NELL1: variants seen among roughly 807,000 people sequenced by gnomAD.
NELL1 encodes the protein protein kinase C-binding protein NELL1.
Under a neutral mutation model 107.4 loss-of-function variants are expected in NELL1, and 76 were observed. That is an observed-to-expected ratio of 0.71 (90% CI 0.59 to 0.86). NELL1 has a LOEUF of 0.86. Ranked by LOEUF, NELL1 falls within the 40% of genes least tolerant of loss-of-function variation. The pLI is 0.00. For missense variants in NELL1, 1,024 were observed against 1,005.5 expected, an observed-to-expected ratio of 1.02 and a Z score of -0.25; for synonymous variants, 353 against 341.2, an observed-to-expected ratio of 1.03 and a Z score of -0.38.
intron 4 of NELL1, among the ~76,000 whole-genome samples, chr11:20,872,143 A>G (rs995610636): frequency 2.0e-5 from 3 of 150,480 alleles, no homozygotes; most frequent in Admixed American, 6.6e-5. Context: ...TCAAGGGCAG[A>G]TAATACCAAA....
chr11:20,720,202 GT>G (rs72275946), intron 2 of NELL1, among the ~76,000 whole-genome samples: 1 of 141,062 alleles, frequency 7.1e-6, no homozygotes, highest in African/African-American at 2.6e-5. Flanking sequence ...GTTCATTCCT[GT>G]TTTTTTTTTT....
chr11:21,525,827 G>C (rs565105765), intron 15 of NELL1, among the ~76,000 whole-genome samples: 1 of 152,040 alleles, frequency 6.6e-6, no homozygotes, highest in Admixed American at 6.6e-5. Flanking sequence ...AGAACAATAT[G>C]GTAAAACTGA....
chr11:21,030,288 A>G (rs1852920727), intron 12 of NELL1, among the ~76,000 whole-genome samples: 1 of 152,176 alleles, frequency 6.6e-6, no homozygotes, highest in Admixed American at 6.6e-5. Flanking sequence ...GCCTTGTCAC[A>G]TTGAGAAGAT....
intron 14 of NELL1, among the ~76,000 whole-genome samples, chr11:21,326,390 A>G (rs920626691): frequency 6.6e-6 from 1 of 151,980 alleles, no homozygotes; most frequent in Non-Finnish European, 1.5e-5. Context: ...GTTCATGTTT[A>G]AACTAAAATA....
intron 15 of NELL1, among the ~76,000 whole-genome samples, chr11:21,396,203 C>T (rs538333286): frequency 8.6e-5 from 13 of 151,594 alleles, no homozygotes; most frequent in Middle Eastern, 6.8e-3. Context: ...AAAAAATCTA[C>T]AGGGCACTAA....
At chr11:21,291,814 G>A (rs1038929636) in intron 14 of NELL1, among the ~76,000 whole-genome samples, 8 of 151,992 alleles carry the variant, frequency 5.3e-5, no homozygotes, top group African/African-American at 1.4e-4. Flanking sequence ...AAACAGAACT[G>A]ATGATAAAAA....
intron 2 of NELL1, among the ~76,000 whole-genome samples, chr11:20,720,891 A>AT (rs1410576543): frequency 3.3e-5 from 5 of 152,106 alleles, no homozygotes; most frequent in African/African-American, 1.2e-4. Flanking sequence ...GGAATTGGAG[A>AT]TTAGGACTTC....
chr11:21,189,792 C>G (rs1362739968), intron 13 of NELL1, among the ~76,000 whole-genome samples: 1 of 150,362 alleles, frequency 6.7e-6, no homozygotes, highest in Non-Finnish European at 1.5e-5. Context: ...GGTCTAAGTC[C>G]TTTGGTTTTA....
intron 15 of NELL1, among the ~76,000 whole-genome samples, chr11:21,439,700 G>A (rs1455773485): frequency 6.6e-6 from 1 of 152,026 alleles, no homozygotes; most frequent in Admixed American, 6.6e-5. Context: ...CCAGCTTCAC[G>A]CCATGTTTCA....
At chr11:21,419,595 T>G (rs1305990012) in intron 15 of NELL1, among the ~76,000 whole-genome samples, 1 of 152,152 alleles carries the variant, frequency 6.6e-6, no homozygotes, top group Non-Finnish European at 1.5e-5. Flanking sequence ...TTCTTATTAC[T>G]GGTCCCAAGG....
At chr11:20,975,878 T>C (rs1169460418) in intron 12 of NELL1, among the ~76,000 whole-genome samples, 4 of 113,602 alleles carry the variant, frequency 3.5e-5, no homozygotes, top group East Asian at 2.7e-4. Context: ...TATATACACA[T>C]ACATGTGTAT....
intron 11 of NELL1, among the ~76,000 whole-genome samples, chr11:20,949,184 C>T (rs890654698): frequency 6.6e-6 from 1 of 152,122 alleles, no homozygotes; most frequent in African/African-American, 2.4e-5. Context: ...TCCCTTAGCA[C>T]CTTCTGGTGT....
At chr11:21,078,624 A>G (rs1040727373) in intron 12 of NELL1, among the ~76,000 whole-genome samples, 6 of 152,150 alleles carry the variant, frequency 3.9e-5, no homozygotes, top group Admixed American at 2.6e-4. Context: ...ATATGTCTCT[A>G]TATTCTCACA....
chr11:21,086,827 T>TA (rs1452033778), intron 12 of NELL1, among the ~76,000 whole-genome samples: 3 of 139,310 alleles, frequency 2.2e-5, no homozygotes, highest in African/African-American at 8.1e-5. Context: ...TCTTAATGGA[T>TA]CTTTTTTTTT....
At chr11:20,992,008 A>AAAAAC (rs1851986682) in intron 12 of NELL1, among the ~76,000 whole-genome samples, 1 of 152,004 alleles carries the variant, frequency 6.6e-6, no homozygotes, top group South Asian at 2.1e-4. Flanking sequence ...AAAAAAAAAA[A>AAAAAC]AAAGTTGAAA....
chr11:20,886,320 T>A (rs1849507727), intron 5 of NELL1, among the ~76,000 whole-genome samples: 1 of 152,086 alleles, frequency 6.6e-6, no homozygotes, highest in African/African-American at 2.4e-5. Context: ...AAAATAAATT[T>A]AAAAACTTAA....
intron 12 of NELL1, among the ~76,000 whole-genome samples, chr11:21,106,618 AAAAG>A (rs531973325): frequency 2.0e-5 from 3 of 152,278 alleles, no homozygotes; most frequent in South Asian, 4.1e-4. Context: ...GAGAAAGAGG[AAAAG>A]AAAGAGAGAG....
chr11:21,239,241 T>A (rs1359098466), intron 14 of NELL1, among the ~76,000 whole-genome samples: 1 of 152,100 alleles, frequency 6.6e-6, no homozygotes, highest in Non-Finnish European at 1.5e-5. Flanking sequence ...TACACACCTA[T>A]TTATGCATAT....
At chr11:21,392,793 A>G (rs929058428) in intron 15 of NELL1, among the ~76,000 whole-genome samples, 2 of 151,772 alleles carry the variant, frequency 1.3e-5, no homozygotes, top group East Asian at 3.9e-4. Flanking sequence ...CATGACATTT[A>G]CTCTTTACAA....
Sources: allele counts gnomAD v4.1 joint callset (sites outside exome capture counted in the v4.1 genomes callset), GRCh38; gene constraint gnomAD v4.1.1; transcripts MANE v1.5; gene names NCBI Gene and HGNC (gene_info 2026-07-23, HGNC 2026-07-21).